MIS18A: variants seen among roughly 807,000 people sequenced by gnomAD.
MIS18A encodes the protein protein Mis18-alpha.
In MIS18A, 14 loss-of-function variants were observed where a neutral mutation model predicts 25.0. That is an observed-to-expected ratio of 0.56 (90% CI 0.37 to 0.88). The LOEUF is 0.88. Ranked by LOEUF, MIS18A falls within the 40% of genes least tolerant of loss-of-function variation. The pLI is 0.00. For missense variants in MIS18A, 292 were observed against 290.8 expected, an observed-to-expected ratio of 1.00 and a Z score of -0.03; for synonymous variants, 134 against 118.6, an observed-to-expected ratio of 1.13 and a Z score of -0.84.
chr21:32,218,192 C>CAA, the MIS18A span, among the ~76,000 whole-genome samples: 278 of 55,744 alleles, frequency 5.0e-3, no homozygotes, highest in Non-Finnish European at 5.6e-3. Context: ...GACTCCATCT[C>CAA]AAAAAAAAAA....
the MIS18A span, among the ~76,000 whole-genome samples, chr21:32,247,045 A>G: frequency 6.6e-6 from 1 of 152,182 alleles, no homozygotes; most frequent in South Asian, 2.1e-4. Context: ...GCAAGCATGA[A>G]GGCTTTCCCA....
the MIS18A span, among the ~76,000 whole-genome samples, chr21:32,231,675 A>G: frequency 1.3e-5 from 2 of 152,198 alleles, no homozygotes; most frequent in African/African-American, 4.8e-5. Flanking sequence ...GCACTTTGGG[A>G]GGCCGAGGCA....
the MIS18A span, among the ~76,000 whole-genome samples, chr21:32,155,253 T>G: frequency 6.6e-6 from 1 of 152,302 alleles, no homozygotes; most frequent in African/African-American, 2.4e-5. Context: ...ATTTTTTTTT[T>G]GGACCTCCTT....
At chr21:32,185,861 G>A in the MIS18A span, among the ~76,000 whole-genome samples, 4 of 152,130 alleles carry the variant, frequency 2.6e-5, no homozygotes, top group Admixed American at 6.5e-5. Context: ...TGGCAACCAT[G>A]CACCGCCACA....
the MIS18A span, among the ~76,000 whole-genome samples, chr21:32,217,550 T>C: frequency 6.6e-6 from 1 of 152,162 alleles, no homozygotes; most frequent in Non-Finnish European, 1.5e-5. Context: ...GAAAGAATAG[T>C]TGAAGAAGTA....
rs778213486 is a variant in MIS18A, at chr21:32,268,432, T to G, written c.*605A>C. On this transcript the variant is annotated 3_prime_UTR_variant, in exon 5 of 5. Transcript: ENST00000290130. ...TAAAATCCTACTATATATAAGCAAC[T>G]GCTCTTGAGCAAGTTTTCAAATGGT... 1.3e-5 allele frequency: 2 copies of G among 152,230 alleles called. No individual in the cohort carries two copies. The highest frequency in any genetic ancestry group is 2.9e-5 in the Non-Finnish European group (2 of 68,044). The allele number at this position is 152,230 out of a possible 1,614,324, so 9.4% of individuals were successfully genotyped here. A position where few individuals can be genotyped will look rare whatever the true frequency, so the allele number is the denominator to read the frequency against.
the MIS18A span, among the ~76,000 whole-genome samples, chr21:32,248,054 C>G: frequency 1.3e-5 from 2 of 152,140 alleles, no homozygotes; most frequent in Non-Finnish European, 2.9e-5. Context: ...GAAGATACCC[C>G]CTCCTTGCTG....
chr21:32,267,305 T>C (rs1433936331), downstream of MIS18A, among the ~76,000 whole-genome samples: 1 of 152,254 alleles, frequency 6.6e-6, no homozygotes, highest in Non-Finnish European at 1.5e-5. Flanking sequence ...AAATGTGTGC[T>C]GGCTTCTGTC....
chr21:32,218,742 G>A, the MIS18A span, among the ~76,000 whole-genome samples: 1 of 151,940 alleles, frequency 6.6e-6, no homozygotes, highest in African/African-American at 2.4e-5. Flanking sequence ...GAATAGTGGA[G>A]GAATAAAAGA....
intron 3 of MIS18A, 130 bp downstream of exon 3, chr21:32,270,277 T>A (rs1270728663): frequency 9.2e-6 from 9 of 976,462 alleles, no homozygotes; most frequent in South Asian, 4.5e-5. Context: ...AAAAAAAAAA[T>A]TACTGGCTTG....
At chr21:32,271,090 C>G (rs1387030281) in intron 2 of MIS18A, among the ~76,000 whole-genome samples, 1 of 152,158 alleles carries the variant, frequency 6.6e-6, no homozygotes, top group Non-Finnish European at 1.5e-5. Flanking sequence ...TTCTAGTTAC[C>G]TCTCAACTCA....
Position 32,274,829 on chromosome 21 carries a change from C to T in MIS18A, c.401+1G>A, listed in dbSNP as rs142875275. ...ATTCATATAAATACAGTTTTACTCA[C>T]CAACCATTTTCCTTTTCACGTTTGG... On this transcript the variant is annotated splice_donor_variant, in intron 2 of 4. Transcript: ENST00000290130. LOFTEE classifies it high-confidence loss of function. 3.4e-5 allele frequency: 55 copies of T among 1,609,252 alleles called. No homozygotes were observed. Among genetic ancestry groups the T allele is most frequent in the Non-Finnish European group, 4.7e-5 (55 of 1,176,334 alleles).
At chr21:32,257,344 G>C in the MIS18A span, among the ~76,000 whole-genome samples, 5 of 152,196 alleles carry the variant, frequency 3.3e-5, no homozygotes, top group Non-Finnish European at 7.3e-5. Flanking sequence ...ATGTTCACGT[G>C]CCCATGTTTT....
the MIS18A span, among the ~76,000 whole-genome samples, chr21:32,229,694 C>T: frequency 3.3e-5 from 5 of 152,214 alleles, no homozygotes; most frequent in African/African-American, 1.2e-4. Context: ...GCTTAATTTA[C>T]ATAATACATA....
At chr21:32,192,823 C>T in the MIS18A span, among the ~76,000 whole-genome samples, 7 of 152,214 alleles carry the variant, frequency 4.6e-5, no homozygotes, top group Non-Finnish European at 8.8e-5. Flanking sequence ...GAGCAGTCAC[C>T]CATGTGGCCC....
chr21:32,162,175 C>G, the MIS18A span, among the ~76,000 whole-genome samples: 3 of 152,130 alleles, frequency 2.0e-5, no homozygotes, highest in Non-Finnish European at 4.4e-5. Flanking sequence ...CTGCCCACAC[C>G]ATTACCATCG....
chr21:32,258,549 G>A, the MIS18A span, among the ~76,000 whole-genome samples: 2 of 152,038 alleles, frequency 1.3e-5, no homozygotes, highest in Admixed American at 1.3e-4. Context: ...GCCTGATTGG[G>A]GAAACAAAAC....
At chr21:32,215,688 C>G in the MIS18A span, among the ~76,000 whole-genome samples, 1 of 152,136 alleles carries the variant, frequency 6.6e-6, no homozygotes, top group African/African-American at 2.4e-5. Context: ...TGCCCTCTTA[C>G]TCATAATTTT....
intron 1 of MIS18A, 25 bp downstream of exon 1, chr21:32,278,656 C>G (rs778385266): frequency 2.7e-6 from 4 of 1,493,118 alleles, no homozygotes; most frequent in African/African-American, 2.8e-5. Context: ...CCCACGCCCC[C>G]CCTGCCCGGC....
Sources: allele counts gnomAD v4.1 joint callset (sites outside exome capture counted in the v4.1 genomes callset), GRCh38; gene constraint gnomAD v4.1.1; transcripts MANE v1.5; gene names NCBI Gene and HGNC (gene_info 2026-07-23, HGNC 2026-07-21).